Variants in NXPH1 observed in about 807,000 individuals in gnomAD.
NXPH1 encodes neurexophilin-1.
In NXPH1, 5 loss-of-function variants were observed where a neutral mutation model predicts 23.7. The ratio of observed to expected loss-of-function variants is 0.21; its 90% CI spans 0.11 to 0.44. The LOEUF is 0.44. Among genes scored for constraint, NXPH1 ranks in the 20% least tolerant of loss-of-function variants. NXPH1 has a pLI of 0.99. For missense variants in NXPH1, 324 were observed against 321.6 expected (o/e 1.01, Z -0.06); for synonymous variants, 144 against 122.2 (o/e 1.18, Z -1.18).
At chr7:8,554,663 C>T (rs1818328117) in intron 2 of NXPH1, among the ~76,000 whole-genome samples, 1 of 151,640 alleles carries the variant, frequency 6.6e-6, no homozygotes, top group African/African-American at 2.4e-5. Context: ...GTCTTAAAAC[C>T]TGTGTTAAAA....
At chr7:8,705,706 A>G (rs1222756181) in intron 2 of NXPH1, among the ~76,000 whole-genome samples, 1 of 152,166 alleles carries the variant, frequency 6.6e-6, no homozygotes, top group African/African-American at 2.4e-5. Flanking sequence ...TGATCTGGGC[A>G]ATAGTTTTGT....
At chr7:8,575,341 G>A (rs954690855) in intron 2 of NXPH1, among the ~76,000 whole-genome samples, 2 of 152,138 alleles carry the variant, frequency 1.3e-5, no homozygotes, top group Admixed American at 6.5e-5. Flanking sequence ...CAAGCTGACA[G>A]GTCATTAATC....
intron 2 of NXPH1, among the ~76,000 whole-genome samples, chr7:8,575,015 C>T (rs1241913805): frequency 4.6e-5 from 7 of 152,098 alleles, no homozygotes; most frequent in African/African-American, 7.2e-5. Context: ...TCGTCGGAGA[C>T]GTTCTGTTAA....
intron 2 of NXPH1, among the ~76,000 whole-genome samples, chr7:8,517,546 T>A (rs1001722517): frequency 2.0e-5 from 3 of 152,130 alleles, no homozygotes; most frequent in Non-Finnish European, 4.4e-5. Context: ...TGTTTGGTTA[T>A]GTTGCTTAAG....
chr7:8,543,264 C>T (rs1285650015), intron 2 of NXPH1, among the ~76,000 whole-genome samples: 1 of 151,464 alleles, frequency 6.6e-6, no homozygotes, highest in Admixed American at 6.6e-5. Flanking sequence ...ATATTAATAC[C>T]TTTTCCTTCC....
intron 2 of NXPH1, among the ~76,000 whole-genome samples, chr7:8,717,888 C>G (rs1001384446): frequency 2.1e-4 from 18 of 84,540 alleles, no homozygotes; most frequent in East Asian, 6.2e-4. Context: ...ATTCTTCTCT[C>G]TGTGTGTATA....
At chr7:8,687,746 G>C (rs1664784641) in intron 2 of NXPH1, among the ~76,000 whole-genome samples, 1 of 152,144 alleles carries the variant, frequency 6.6e-6, no homozygotes, top group Admixed American at 6.5e-5. Flanking sequence ...ACCTCATTGA[G>C]TGCTGGTACA....
intron 2 of NXPH1, among the ~76,000 whole-genome samples, chr7:8,681,919 C>G (rs1314479884): frequency 6.6e-6 from 1 of 152,152 alleles, no homozygotes; most frequent in Non-Finnish European, 1.5e-5. Context: ...CTGAGCTTTG[C>G]CCCTTTTCTA....
intron 2 of NXPH1, among the ~76,000 whole-genome samples, chr7:8,717,894 G>GTATA (rs3059127): frequency 0.14 from 21,188 of 146,972 alleles, 1,649 homozygotes; most frequent in African/African-American, 0.2. Context: ...CTCTCTGTGT[G>GTATA]TATATATATA....
chr7:8,740,730 A>AATTT (rs914678280), intron 2 of NXPH1, among the ~76,000 whole-genome samples: 1 of 151,414 alleles, frequency 6.6e-6, no homozygotes, highest in Non-Finnish European at 1.5e-5. Context: ...TTTTCCTTTA[A>AATTT]ATTTATTTAT....
In NXPH1 at chr7:8,442,090, A is replaced by C. The variant is rs1170305721; in HGVS notation, c.54+6323A>C. ...AAGCAGTGGGGTCCCAGGAGCAGCA[A>C]GACAGTAGCTCCTCTCGGGCCACGG... On this transcript the variant is annotated intron_variant, in intron 2 of 2. Coordinates refer to ENST00000405863, the MANE Select transcript of NXPH1 (RefSeq NM_152745.3). The surrounding 1 kb of genome is among the most constrained non-coding windows in gnomAD (Gnocchi z 4.6). Among the ~76,000 whole-genome samples the C allele has an allele frequency of 2.6e-5, 4 of 152,106 alleles. No individual in the cohort carries two copies. The highest frequency in any genetic ancestry group is 5.9e-5 in the Non-Finnish European group (4 of 68,022).
At chr7:8,616,807 G>C (rs1459961846) in intron 2 of NXPH1, among the ~76,000 whole-genome samples, 5 of 143,700 alleles carry the variant, frequency 3.5e-5, no homozygotes, top group African/African-American at 1.3e-4. Flanking sequence ...AGCTACTGAA[G>C]TATTTTAAGT....
In NXPH1 at chr7:8,628,555, T is replaced by C. The variant is rs368686345; in HGVS notation, c.55-122453T>C. Among the ~76,000 whole-genome samples the C allele has an allele frequency of 8.6e-5, 13 of 151,918 alleles. No homozygotes were observed. The East Asian group carries it at 2.3e-3, about 27-fold the overall frequency. On this transcript the variant is annotated intron_variant, in intron 2 of 2. Coordinates refer to ENST00000405863, the MANE Select transcript of NXPH1 (RefSeq NM_152745.3). ...ACAAGTTAAACTAGAACTCTCATTT[T>C]CTCTAAATTAAGCCAGCCCTTTTTG...
intron 2 of NXPH1, among the ~76,000 whole-genome samples, chr7:8,585,413 C>T (rs1024212086): frequency 6.7e-5 from 10 of 150,356 alleles, no homozygotes; most frequent in East Asian, 2.0e-4. Context: ...TTTACTATAA[C>T]GTAATTCTTA....
At chr7:8,741,697 C>T (rs928878065) in intron 2 of NXPH1, among the ~76,000 whole-genome samples, 8 of 152,040 alleles carry the variant, frequency 5.3e-5, no homozygotes, top group African/African-American at 1.7e-4. Context: ...ATGTAAAATG[C>T]AGGTACTTTG....
chr7:8,559,247 C>T (rs1286514718), intron 2 of NXPH1, among the ~76,000 whole-genome samples: 2 of 151,642 alleles, frequency 1.3e-5, no homozygotes, highest in African/African-American at 4.8e-5. Flanking sequence ...CATGAGCCGC[C>T]ACGCCCTGGT....
At chr7:8,642,617 T>C (rs1820335138) in intron 2 of NXPH1, among the ~76,000 whole-genome samples, 1 of 151,146 alleles carries the variant, frequency 6.6e-6, no homozygotes, top group African/African-American at 2.4e-5. Context: ...ATTCTAACAT[T>C]CTAATTTTTT....
At chr7:8,709,004 C>A (rs12536363) in intron 2 of NXPH1, among the ~76,000 whole-genome samples, 6 of 152,030 alleles carry the variant, frequency 3.9e-5, no homozygotes, top group Admixed American at 1.3e-4. Flanking sequence ...ACACCATGAC[C>A]AAATAGTGTC....
At chr7:8,504,246 T>C (rs1216238760) in intron 2 of NXPH1, among the ~76,000 whole-genome samples, 4 of 152,056 alleles carry the variant, frequency 2.6e-5, no homozygotes, top group African/African-American at 9.7e-5. Context: ...GCAGTACTAT[T>C]CTCAACCTCC....
Sources: allele counts gnomAD v4.1 joint callset (sites outside exome capture counted in the v4.1 genomes callset), GRCh38; gene constraint gnomAD v4.1.1; non-coding constraint Gnocchi (gnomAD v3.1); transcripts MANE v1.5; gene names NCBI Gene and HGNC (gene_info 2026-07-23, HGNC 2026-07-21).